AUTS2: variants seen among roughly 807,000 people sequenced by gnomAD.
AUTS2 encodes the protein autism susceptibility gene 2 protein.
Under a neutral mutation model 112.4 loss-of-function variants are expected in AUTS2, and 17 were observed. The observed-to-expected ratio is 0.15, with a 90% CI of 0.10 to 0.23. The LOEUF is 0.23. Among genes scored for constraint, AUTS2 ranks in the 10% least tolerant of loss-of-function variants. The pLI is 1.00. For missense variants in AUTS2, 1,510 were observed against 1,701.6 expected, an observed-to-expected ratio of 0.89 and a Z score of 1.98; for synonymous variants, 751 against 702.7, an observed-to-expected ratio of 1.07 and a Z score of -1.09.
intron 5 of AUTS2, among the ~76,000 whole-genome samples, chr7:70,505,906 C>T (rs1358601585): frequency 4.6e-5 from 7 of 152,190 alleles, no homozygotes; most frequent in South Asian, 2.1e-4. Context: ...TGCTTGTTTC[C>T]GTATCAGTAA....
chr7:70,552,934 T>G (rs1286054306), intron 5 of AUTS2, among the ~76,000 whole-genome samples: 3 of 152,198 alleles, frequency 2.0e-5, no homozygotes, highest in African/African-American at 7.2e-5. Context: ...AATAGATTGG[T>G]AGCACTAGGT....
intron 4 of AUTS2, among the ~76,000 whole-genome samples, chr7:70,282,988 A>G (rs554653367): frequency 6.6e-6 from 1 of 152,354 alleles, no homozygotes; most frequent in African/African-American, 2.4e-5. Flanking sequence ...CAGCTTCTAT[A>G]TAGACAGAAT....
intron 10 of AUTS2, 80 bp downstream of exon 10, chr7:70,768,148 T>C (rs1790055249): frequency 1.5e-6 from 2 of 1,328,818 alleles, no homozygotes; most frequent in Non-Finnish European, 2.1e-6. Context: ...AGTCAATGAC[T>C]AGCAGCCTTC....
At chr7:69,724,475 C>G (rs1798062656) in intron 1 of AUTS2, among the ~76,000 whole-genome samples, 1 of 152,104 alleles carries the variant, frequency 6.6e-6, no homozygotes, top group Non-Finnish European at 1.5e-5. Flanking sequence ...CAAATGATAT[C>G]CACAGTACTG....
chr7:69,970,994 A>G (rs1345041154), intron 2 of AUTS2, among the ~76,000 whole-genome samples: 1 of 152,120 alleles, frequency 6.6e-6, no homozygotes, highest in African/African-American at 2.4e-5. Context: ...GCAACATAGC[A>G]AGACCTCATT....
intron 4 of AUTS2, among the ~76,000 whole-genome samples, chr7:70,228,170 T>A (rs576025734): frequency 1.3e-5 from 2 of 152,086 alleles, no homozygotes; most frequent in Admixed American, 1.3e-4. Flanking sequence ...AATCTCTTTG[T>A]CTCTAGTAAC....
intron 1 of AUTS2, among the ~76,000 whole-genome samples, chr7:69,685,917 C>T: frequency 6.6e-6 from 1 of 151,972 alleles, no homozygotes; most frequent in Non-Finnish European, 1.5e-5. Flanking sequence ...AAACAATAAT[C>T]TTTAGAGGAA....
At chr7:70,225,064 CT>C in intron 4 of AUTS2, among the ~76,000 whole-genome samples, 1 of 152,304 alleles carries the variant, frequency 6.6e-6, no homozygotes, top group Admixed American at 6.5e-5. Context: ...TCTACACAGG[CT>C]TAGTCTTCCT....
chr7:69,714,543 T>G (rs940641413), intron 1 of AUTS2, among the ~76,000 whole-genome samples: 2 of 152,172 alleles, frequency 1.3e-5, no homozygotes, highest in African/African-American at 2.4e-5. Context: ...TAAAAATTCC[T>G]TATTCTGTTC....
In AUTS2 at chr7:69,899,280, C is replaced by G; in HGVS notation, c.310-6C>G. ...CACTTCCCTTTCCTTCTCTTCTTTT[C>G]TACAGAAAGATGTAGCACTTAAGCC... is the stretch of plus-strand genomic sequence containing the variant. On this transcript the variant is annotated splice_region_variant and splice_polypyrimidine_tract_variant and intron_variant, in intron 1 of 18. Coordinates refer to ENST00000342771, the MANE Select transcript of AUTS2 (RefSeq NM_015570.4). 6.2e-7 allele frequency: 1 copy of G among 1,609,064 alleles called. No individual in the cohort carries two copies.
At chr7:70,446,854 G>A (rs996467758) in intron 5 of AUTS2, among the ~76,000 whole-genome samples, 2 of 152,164 alleles carry the variant, frequency 1.3e-5, no homozygotes, top group Non-Finnish European at 2.9e-5. Flanking sequence ...TGAGAAAGAA[G>A]CAGGGAAAGA....
intron 1 of AUTS2, among the ~76,000 whole-genome samples, chr7:69,830,021 G>A (rs1209828560): frequency 6.6e-6 from 1 of 152,248 alleles, no homozygotes; most frequent in East Asian, 1.9e-4. Context: ...ATAAAGAAAT[G>A]TGGTACATAT....
chr7:70,622,852 T>C (rs1034687181), intron 5 of AUTS2, among the ~76,000 whole-genome samples: 4 of 152,210 alleles, frequency 2.6e-5, no homozygotes, highest in African/African-American at 9.6e-5. Flanking sequence ...CTGATACTCT[T>C]GTGAAGACTG....
intron 2 of AUTS2, among the ~76,000 whole-genome samples, chr7:70,066,075 T>C (rs1436627829): frequency 6.6e-6 from 1 of 152,224 alleles, no homozygotes; most frequent in African/African-American, 2.4e-5. Context: ...CTTTGCAATC[T>C]GTAGGACTAT....
chr7:69,811,299 G>C (rs1307945208), intron 1 of AUTS2, among the ~76,000 whole-genome samples: 4 of 152,068 alleles, frequency 2.6e-5, no homozygotes, highest in African/African-American at 7.2e-5. Flanking sequence ...AGGGCTCTCT[G>C]TGGTCACCAT....
intron 5 of AUTS2, among the ~76,000 whole-genome samples, chr7:70,540,585 C>G (rs1012059703): frequency 3.3e-5 from 5 of 152,160 alleles, no homozygotes; most frequent in African/African-American, 1.2e-4. Context: ...TTGAAGATCA[C>G]GTGCTGTGTT....
At chr7:70,480,422 A>G (rs1331029094) in intron 5 of AUTS2, among the ~76,000 whole-genome samples, 1 of 152,228 alleles carries the variant, frequency 6.6e-6, no homozygotes, top group Admixed American at 6.5e-5. Flanking sequence ...ATATCCTTGC[A>G]TGCTTATTTT....
At chr7:69,812,343 A>T (rs916581904) in intron 1 of AUTS2, among the ~76,000 whole-genome samples, 1 of 152,192 alleles carries the variant, frequency 6.6e-6, no homozygotes, top group Non-Finnish European at 1.5e-5. Context: ...TATTGGCAAG[A>T]TGGGAGTAGG....
chr7:70,435,738 G>T lies in AUTS2; in HGVS notation c.661-14G>T. The T allele has an allele frequency of 6.2e-7, 1 of 1,613,854 alleles. No individual in the cohort carries two copies. The highest frequency in any genetic ancestry group is 1.6e-4 in the Middle Eastern group (1 of 6,062). On this transcript the variant is annotated splice_polypyrimidine_tract_variant and intron_variant, in intron 4 of 18. Coordinates refer to ENST00000342771, the MANE Select transcript of AUTS2 (RefSeq NM_015570.4). ...TTCTTGCACTAACCCTTATTCTCTT[G>T]TCTTCATTTTCAGTGTGACAGTGAC...
Sources: gnomAD v4.1 joint callset for allele counts (sites outside exome capture counted in the v4.1 genomes callset) on GRCh38, gnomAD v4.1.1 for gene constraint, MANE v1.5 for transcripts, NCBI Gene and HGNC (gene_info 2026-07-23, HGNC 2026-07-21) for gene names.